FRMD6: variants seen among roughly 807,000 people sequenced by gnomAD.
FRMD6 encodes FERM domain containing 6, also known as FERM domain-containing protein 6.
In FRMD6, 37 loss-of-function variants were observed where a neutral mutation model predicts 73.2. The ratio of observed to expected loss-of-function variants is 0.51; its 90% CI spans 0.39 to 0.66. The LOEUF (loss-of-function observed/expected upper bound fraction) is 0.66, where lower values mean the gene tolerates loss of function less well. Ranked by LOEUF, FRMD6 falls within the 30% of genes least tolerant of loss-of-function variation. The probability of loss-of-function intolerance (pLI) is 0.00; values close to 1 mark genes in which losing one functional copy is unlikely to be tolerated. For synonymous variants in FRMD6, 273 were observed against 282.2 expected, an observed-to-expected ratio of 0.97 and a Z score of 0.33; for missense variants, 714 against 780.5, an observed-to-expected ratio of 0.91 and a Z score of 1.02.
chr14:51,711,192 A>C (rs1896926737), intron 7 of FRMD6, among the ~76,000 whole-genome samples: 1 of 152,202 alleles, frequency 6.6e-6, no homozygotes, highest in Non-Finnish European at 1.5e-5. Context: ...AAACAATGCA[A>C]AAGCAGCAAA....
intron 1 of FRMD6, among the ~76,000 whole-genome samples, chr14:51,501,901 T>C (rs1487396624): frequency 2.0e-5 from 3 of 152,190 alleles, no homozygotes; most frequent in African/African-American, 7.2e-5. Context: ...TTTTTGACTG[T>C]TTAATAATAG....
At chr14:51,542,034 T>C (rs1886228723) in intron 1 of FRMD6, among the ~76,000 whole-genome samples, 1 of 152,068 alleles carries the variant, frequency 6.6e-6, no homozygotes, top group South Asian at 2.1e-4. Flanking sequence ...TGCATCACGT[T>C]ACTGTGGTAC....
Position 51,689,791 on chromosome 14 carries a change from C to A in FRMD6, c.-46C>A, listed in dbSNP as rs552163178. 6 of 1,181,230 alleles carry A rather than the reference C, an allele frequency of 5.1e-6. No individual in the cohort carries two copies. The African/African-American group carries it at 9.0e-5, about 18-fold the overall frequency. 73.2% of individuals were successfully genotyped at this position (1,181,230 alleles called of 1,614,324 possible). ...GAGTGCTGGGAACCTGAGGAATTGC[C>A]AAGGACCCAGAGCCCAGCCCTGACC... On this transcript the variant is annotated 5_prime_UTR_variant, in exon 2 of 14. Coordinates refer to ENST00000344768, the MANE Select transcript of FRMD6 (RefSeq NM_001267046.2).
chr14:51,614,203 G>T (rs774409235), intron 2 of FRMD6, among the ~76,000 whole-genome samples: 3 of 152,012 alleles, frequency 2.0e-5, no homozygotes, highest in Admixed American at 6.6e-5. Flanking sequence ...TAGGAACTTT[G>T]GGTTGGTTGG....
At chr14:51,434,572 A>G in the FRMD6 span, among the ~76,000 whole-genome samples, 1 of 149,806 alleles carries the variant, frequency 6.7e-6, no homozygotes, top group African/African-American at 2.5e-5. Context: ...TAATTGAGAA[A>G]GGACAATTCT....
intron 2 of FRMD6, among the ~76,000 whole-genome samples, chr14:51,692,016 C>A (rs1248671073): frequency 6.6e-6 from 1 of 152,120 alleles, no homozygotes; most frequent in Non-Finnish European, 1.5e-5. Context: ...CTGCTTATTG[C>A]TATAGTCATT....
intron 2 of FRMD6, among the ~76,000 whole-genome samples, chr14:51,691,588 A>ATTTTTTTTTTTT (rs758677611): frequency 1.5e-4 from 11 of 75,148 alleles, no homozygotes; most frequent in Non-Finnish European, 2.2e-4. Flanking sequence ...TTTGATTTTG[A>ATTTTTTTTTTTT]TTTTTTTTTT....
the FRMD6 span, among the ~76,000 whole-genome samples, chr14:51,472,545 T>C: frequency 6.6e-6 from 1 of 152,164 alleles, no homozygotes; most frequent in South Asian, 2.1e-4. Context: ...CCTCGTGATC[T>C]GCCCACCTCA....
chr14:51,502,422 G>A (rs1375919413), intron 1 of FRMD6, among the ~76,000 whole-genome samples: 1 of 152,178 alleles, frequency 6.6e-6, no homozygotes, highest in East Asian at 1.9e-4. Context: ...CATATGGCTA[G>A]CCAGCTCTCC....
chr14:51,701,428 A>G (rs1287118911), intron 4 of FRMD6, among the ~76,000 whole-genome samples: 3 of 146,334 alleles, frequency 2.1e-5, no homozygotes, highest in Non-Finnish European at 4.5e-5. Flanking sequence ...TATGTATAGT[A>G]GTATATATAG....
chr14:51,467,630 C>G, the FRMD6 span, among the ~76,000 whole-genome samples: 10 of 148,808 alleles, frequency 6.7e-5, no homozygotes, highest in African/African-American at 2.5e-4. Flanking sequence ...CGGTCAGAGA[C>G]GCTCCTCACC....
chr14:51,483,950 C>T, the FRMD6 span, among the ~76,000 whole-genome samples: 1 of 152,112 alleles, frequency 6.6e-6, no homozygotes, highest in Admixed American at 6.5e-5. Flanking sequence ...AAGTAACTCA[C>T]CCAAAGCCAC....
chr14:51,461,092 CAT>C, the FRMD6 span, among the ~76,000 whole-genome samples: 3 of 152,200 alleles, frequency 2.0e-5, no homozygotes, highest in Admixed American at 2.0e-4. Flanking sequence ...TGACTACAGA[CAT>C]GTGTACTTGA....
In FRMD6 at chr14:51,720,329, C is replaced by G. The variant is rs1897477322; in HGVS notation, c.1299C>G (p.Ser433=). The change falls in exon 11 of 14, where the codon TCC becomes TCG. Residue 433 remains serine (S), a synonymous_variant. Coordinates refer to ENST00000344768, the MANE Select transcript of FRMD6 (RefSeq NM_001267046.2). ...TCSSMTSHGS[S]HTSGVESGGK... is the part of the protein sequence containing the mutation. ...GCTCAATGACCAGTCATGGCAGCTC[C>G]CACACCTCAGGGGTGGAGAGTGGCG... The G allele has an allele frequency of 6.2e-7, 1 of 1,613,946 alleles. No individual in the cohort carries two copies.
chr14:51,535,856 A>G (rs1885854467), intron 1 of FRMD6, among the ~76,000 whole-genome samples: 1 of 151,862 alleles, frequency 6.6e-6, no homozygotes, highest in Non-Finnish European at 1.5e-5. Flanking sequence ...GTCTACACTT[A>G]TTATTGTCTG....
the FRMD6 span, among the ~76,000 whole-genome samples, chr14:51,427,607 G>C: frequency 0.083 from 12,605 of 152,220 alleles, 570 homozygotes; most frequent in East Asian, 0.11. Flanking sequence ...TCACGTGTTG[G>C]CTATAAGTTG....
chr14:51,415,477 C>A, the FRMD6 span, among the ~76,000 whole-genome samples: 1,022 of 152,256 alleles, frequency 6.7e-3, 9 homozygotes, highest in Non-Finnish European at 1.0e-2. Flanking sequence ...ATATGTTGAA[C>A]CAGCCTTGCA....
At chr14:51,580,407 C>T (rs969202538) in intron 2 of FRMD6, among the ~76,000 whole-genome samples, 1 of 152,160 alleles carries the variant, frequency 6.6e-6, no homozygotes, top group African/African-American at 2.4e-5. Context: ...AAGTGCTTTA[C>T]ATAGATTATC....
At chr14:51,605,038 T>C (rs1442941595) in intron 2 of FRMD6, among the ~76,000 whole-genome samples, 1 of 152,080 alleles carries the variant, frequency 6.6e-6, no homozygotes, top group African/African-American at 2.4e-5. Context: ...AACAACACCA[T>C]TGCTTTGTGA....
Sources: gnomAD v4.1 joint callset for allele counts (sites outside exome capture counted in the v4.1 genomes callset) on GRCh38, gnomAD v4.1.1 for gene constraint, MANE v1.5 for transcripts, NCBI Gene and HGNC (gene_info 2026-07-23, HGNC 2026-07-21) for gene names.